Variants in SPATA6 observed in about 807,000 individuals in gnomAD.
SPATA6 encodes spermatogenesis associated 6.
SPATA6 carries 56 observed loss-of-function variants against 65.3 expected under a neutral mutation model. The ratio of observed to expected loss-of-function variants is 0.86; its 90% CI spans 0.69 to 1.07. The LOEUF (loss-of-function observed/expected upper bound fraction) is 1.07, where lower values mean the gene tolerates loss of function less well. Ranked by LOEUF, SPATA6 falls within the 50% of genes least tolerant of loss-of-function variation. The pLI is 0.00. For synonymous variants in SPATA6, 199 were observed against 213.2 expected (o/e 0.93, Z 0.58); for missense variants, 590 against 594.8 (o/e 0.99, Z 0.08).
At chr1:48,451,017 T>C (rs1202020893) in intron 3 of SPATA6, among the ~76,000 whole-genome samples, 1 of 152,208 alleles carries the variant, frequency 6.6e-6, no homozygotes, top group Non-Finnish European at 1.5e-5. Flanking sequence ...CAAATAGTTG[T>C]ATCTTTTTAT....
intron 1 of SPATA6, among the ~76,000 whole-genome samples, chr1:48,466,240 ACT>A (rs1403133782): frequency 1.3e-5 from 2 of 152,128 alleles, no homozygotes; most frequent in African/African-American, 4.8e-5. Context: ...AAATTATATC[ACT>A]GTTAATATAA....
the SPATA6 span, among the ~76,000 whole-genome samples, chr1:48,287,236 G>A: frequency 6.6e-6 from 1 of 151,968 alleles, no homozygotes; most frequent in Non-Finnish European, 1.5e-5. Context: ...TTAAATGACT[G>A]GATCTCATGA....
chr1:48,285,023 G>A, the SPATA6 span, among the ~76,000 whole-genome samples: 2 of 151,924 alleles, frequency 1.3e-5, no homozygotes, highest in East Asian at 3.9e-4. Context: ...CTGAAGCTGC[G>A]CCCACAGCCA....
At position 48,415,318 on chromosome 1, in the gene SPATA6, A is replaced by G. The variant is rs112337994; in HGVS notation, c.239-2167T>C. ...GCGATGGCCTTTGTGCAAGGCTTAG[A>G]TTTTTGTAGAGTCTTTTATGATAGT... is the stretch of plus-strand genomic sequence containing the variant. On this transcript the variant is annotated intron_variant, in intron 3 of 12. Coordinates refer to ENST00000371847, the MANE Select transcript of SPATA6 (RefSeq NM_019073.4). 2.6e-3 allele frequency among the ~76,000 whole-genome samples: 391 copies of G among 152,320 alleles called. 1 individual carries two copies. The highest frequency in any genetic ancestry group is 4.6e-3 in the Non-Finnish European group (315 of 68,034).
chr1:48,333,166 C>G (rs1469606184), intron 11 of SPATA6, among the ~76,000 whole-genome samples: 1 of 152,140 alleles, frequency 6.6e-6, no homozygotes, highest in Non-Finnish European at 1.5e-5. Flanking sequence ...GAGCACCATC[C>G]AATCATCTAC....
intron 11 of SPATA6, among the ~76,000 whole-genome samples, chr1:48,327,274 T>C (rs915110448): frequency 1.3e-5 from 2 of 151,872 alleles, no homozygotes; most frequent in Non-Finnish European, 1.5e-5. Flanking sequence ...ATCAGAGAAA[T>C]GCAAATTAAA....
chr1:48,362,610 T>C (rs1646848566), intron 9 of SPATA6, among the ~76,000 whole-genome samples: 1 of 152,032 alleles, frequency 6.6e-6, no homozygotes. Context: ...GAAGGATAAA[T>C]GACAATAAGA....
Position 48,395,277 on chromosome 1 carries a change from C to A in SPATA6, c.858G>T (p.Arg286Ser). 1 of 1,563,538 alleles carries A rather than the reference C, an allele frequency of 6.4e-7. No homozygotes were observed. Among genetic ancestry groups the A allele is most frequent in the Non-Finnish European group, 8.7e-7 (1 of 1,151,900 alleles). Residue 286 changes from arginine (R) to serine (S), a missense_variant, in exon 8 of 13, where the codon AGG becomes AGT. Physicochemically the swap from Arg to Ser is moderately radical, Grantham distance 110. Coordinates refer to ENST00000371847, the MANE Select transcript of SPATA6 (RefSeq NM_019073.4). ...CAACTTCTAGCTTACCATTGTGCAC[C>A]CTTGACCATCCATCTCTTTCACAGT... ...GRDCERDGWSRVHNDHSHLGC... is the reference protein window; with the variant it reads ...GRDCERDGWSSVHNDHSHLGC...
At chr1:48,452,067 C>A (rs561188070) in intron 2 of SPATA6, among the ~76,000 whole-genome samples, 2 of 152,290 alleles carry the variant, frequency 1.3e-5, no homozygotes, top group East Asian at 3.9e-4. Flanking sequence ...GCACTTACCA[C>A]TATCTAAAAT....
chr1:48,307,798 A>C (rs975542669), intron 11 of SPATA6, among the ~76,000 whole-genome samples: 10 of 151,778 alleles, frequency 6.6e-5, no homozygotes, highest in African/African-American at 2.4e-4. Flanking sequence ...TGTAATGGTC[A>C]TATCTTCCTG....
chr1:48,335,124 A>T (rs1230899776), intron 11 of SPATA6, among the ~76,000 whole-genome samples: 1 of 152,140 alleles, frequency 6.6e-6, no homozygotes, highest in Non-Finnish European at 1.5e-5. Flanking sequence ...TGCTCAAAAA[A>T]ATCAGAGATG....
intron 3 of SPATA6, among the ~76,000 whole-genome samples, chr1:48,418,838 A>AGAGAG (rs1476474244): frequency 1.5e-5 from 2 of 134,670 alleles, no homozygotes; most frequent in Admixed American, 7.9e-5. Context: ...GGAAAGAGAG[A>AGAGAG]GAGAGGAGAG....
rs560034747 is a variant in SPATA6 at position 48,316,263 on chromosome 1, C to T, written c.1195-10385G>A. Among the ~76,000 whole-genome samples, 21 of 152,292 alleles carry T rather than the reference C, an allele frequency of 1.4e-4. 1 individual carries two copies. The highest frequency in any genetic ancestry group is 3.4e-3 in the Middle Eastern group (1 of 294). ...CAAAAGAACAAAGCTGGAGGCATCA[C>T]GCTACCTGACTTCAAACTATACTAC... On this transcript the variant is annotated intron_variant, in intron 11 of 12. Coordinates refer to ENST00000371847, the MANE Select transcript of SPATA6 (RefSeq NM_019073.4).
At position 48,442,326 on chromosome 1, in the gene SPATA6, A is replaced by AT. The variant is rs1655569665; in HGVS notation, c.238+9225dup. ...TCTAATCCTACATGCCCATGCTGCA[A>AT]TATGGAAAGAAACGGAGTTCCTAAC... On this transcript the variant is annotated intron_variant, in intron 3 of 12. Transcript: ENST00000371847. Among the ~76,000 whole-genome samples the AT allele has an allele frequency of 2.0e-5, 3 of 152,306 alleles. No individual in the cohort carries two copies. The East Asian group carries it at 5.8e-4, about 29-fold the overall frequency.
rs1439754749 is a variant in SPATA6 at position 48,399,608 on chromosome 1, A to AT, written c.522dup (p.Ser175IlefsTer21). 3.1e-6 allele frequency: 5 copies of AT among 1,604,214 alleles called. No individual in the cohort carries two copies. The Admixed American group carries it at 8.4e-5, about 27-fold the overall frequency. On this transcript the variant is annotated frameshift_variant, in exon 7 of 13. Transcript: ENST00000371847. LOFTEE classifies it high-confidence loss of function. Reference sequence around the variant, plus strand: ...GTTCTGTTTTGCAGTCTGCCATGTGATTTTTCAACTGGAGCCAAATGGTAA... The same window carrying AT: ...GTTCTGTTTTGCAGTCTGCCATGTGATTTTTTCAACTGGAGCCAAATGGTAA...
chr1:48,429,592 A>C (rs1384938001), intron 3 of SPATA6, among the ~76,000 whole-genome samples: 7 of 152,150 alleles, frequency 4.6e-5, no homozygotes, highest in South Asian at 4.1e-4. Flanking sequence ...AATAATCATA[A>C]GGGATAAAAG....
At chr1:48,376,474 G>T (rs1338449882) in intron 9 of SPATA6, among the ~76,000 whole-genome samples, 1 of 151,542 alleles carries the variant, frequency 6.6e-6, no homozygotes, top group African/African-American at 2.4e-5. Context: ...TAAGATTGCA[G>T]AGCTAAGTTC....
chr1:48,350,137 G>A (rs1646476445), intron 11 of SPATA6, among the ~76,000 whole-genome samples: 1 of 151,746 alleles, frequency 6.6e-6, no homozygotes, highest in Admixed American at 6.6e-5. Flanking sequence ...GTTTTTGGGT[G>A]TATGGTGGTA....
intron 4 of SPATA6, among the ~76,000 whole-genome samples, chr1:48,412,011 C>T (rs1557679321): frequency 6.6e-6 from 1 of 152,016 alleles, no homozygotes; most frequent in Non-Finnish European, 1.5e-5. Context: ...GGACTACAGG[C>T]ATGCGCCACC....
Sources: gnomAD v4.1 joint callset for allele counts (sites outside exome capture counted in the v4.1 genomes callset) on GRCh38, gnomAD v4.1.1 for gene constraint, MANE v1.5 for transcripts, NCBI Gene and HGNC (gene_info 2026-07-23, HGNC 2026-07-21) for gene names.